Variants in ADCY7 observed in about 807,000 individuals in gnomAD.
ADCY7 encodes adenylate cyclase 7.
Under a neutral mutation model 120.6 loss-of-function variants are expected in ADCY7, and 72 were observed. The ratio of observed to expected loss-of-function variants is 0.60; its 90% CI spans 0.49 to 0.73. The LOEUF (loss-of-function observed/expected upper bound fraction) is 0.73, where lower values mean the gene tolerates loss of function less well. Among genes scored for constraint, ADCY7 ranks in the 30% least tolerant of loss-of-function variants. ADCY7 has a pLI of 0.00. For missense variants in ADCY7, 1,227 were observed against 1,486.0 expected, an observed-to-expected ratio of 0.83 and a Z score of 2.87; for synonymous variants, 661 against 628.0, an observed-to-expected ratio of 1.05 and a Z score of -0.78.
intron 1 of ADCY7, among the ~76,000 whole-genome samples, chr16:50,272,037 G>A (rs1176784364): frequency 2.0e-5 from 3 of 152,204 alleles, no homozygotes; most frequent in African/African-American, 4.8e-5. Flanking sequence ...AGCCAAGGGA[G>A]GTCTTTGGTG....
chr16:50,302,218 C>T (rs1370559197), intron 10 of ADCY7, among the ~76,000 whole-genome samples: 1 of 152,204 alleles, frequency 6.6e-6, no homozygotes. Flanking sequence ...CTCCTCCCTC[C>T]GTCCCTAATG....
chr16:50,288,832 A>T (rs535993780), intron 2 of ADCY7, among the ~76,000 whole-genome samples: 2 of 152,216 alleles, frequency 1.3e-5, no homozygotes, highest in South Asian at 4.1e-4. Context: ...TTTCTAATTT[A>T]AAAAAATTTT....
Position 50,293,507 on chromosome 16 carries a change from G to A in ADCY7, c.836+5G>A, listed in dbSNP as rs2035134898. On this transcript the variant is annotated splice_donor_5th_base_variant and intron_variant, in intron 6 of 25. Transcript: ENST00000673801. ...CAAGAGGCACCAGAATGTCAGGTGG[G>A]CGGTGAGACGTGTGATTAGCATATC... 6.2e-7 allele frequency: 1 copy of A among 1,613,692 alleles called. No individual in the cohort carries two copies. The highest frequency in any genetic ancestry group is 8.5e-7 in the Non-Finnish European group (1 of 1,179,944).
chr16:50,245,617 G>A (rs1030750188), upstream of ADCY7, among the ~76,000 whole-genome samples: 1 of 151,996 alleles, frequency 6.6e-6, no homozygotes, highest in African/African-American at 2.4e-5. Context: ...GTCATCTCCC[G>A]CCCCTGAGCC....
At chr16:50,259,048 C>A (rs2032992669) in intron 1 of ADCY7, among the ~76,000 whole-genome samples, 1 of 152,118 alleles carries the variant, frequency 6.6e-6, no homozygotes, top group African/African-American at 2.4e-5. Context: ...TTTTCCTCCT[C>A]TGTTAATTAT....
intron 1 of ADCY7, among the ~76,000 whole-genome samples, chr16:50,271,989 G>A (rs2033605704): frequency 6.6e-6 from 1 of 152,178 alleles, no homozygotes; most frequent in Non-Finnish European, 1.5e-5. Context: ...GCTGACCACT[G>A]GAAGGGTGAA....
chr16:50,305,609 A>T, intron 13 of ADCY7, 23 bp downstream of exon 13: 1 of 1,575,362 alleles, frequency 6.3e-7, no homozygotes, highest in Non-Finnish European at 8.6e-7. Flanking sequence ...ACCTCTGTCC[A>T]CCCCCCTCTC....
At chr16:50,293,619 G>T in intron 6 of ADCY7, 117 bp downstream of exon 6, 1 of 1,297,648 alleles carries the variant, frequency 7.7e-7, no homozygotes, top group Non-Finnish European at 1.1e-6. Flanking sequence ...TATAGGGATT[G>T]GGAGAGGGCC....
intron 19 of ADCY7, 98 bp from the exon 20 acceptor site, chr16:50,311,595 T>C (rs1286551390): frequency 2.4e-6 from 2 of 847,336 alleles, no homozygotes; most frequent in Non-Finnish European, 4.0e-6. Context: ...GAATCAATTT[T>C]CCCCTTTCCC....
intron 21 of ADCY7, among the ~76,000 whole-genome samples, chr16:50,312,447 T>C (rs1042154042): frequency 1.3e-5 from 2 of 152,252 alleles, no homozygotes; most frequent in East Asian, 1.9e-4. Context: ...TAAAATGGGC[T>C]GACAGCCCTT....
intron 1 of ADCY7, among the ~76,000 whole-genome samples, chr16:50,257,661 C>T (rs1048035268): frequency 2.6e-5 from 4 of 151,462 alleles, no homozygotes; most frequent in African/African-American, 4.8e-5. Context: ...TCTTTAAGAT[C>T]GTAACTATCC....
rs137934086 is a variant in ADCY7, at chr16:50,314,858, G to A, written c.2972-156G>A. On this transcript the variant is annotated intron_variant, in intron 24 of 25. Coordinates refer to ENST00000673801, the MANE Select transcript of ADCY7 (RefSeq NM_001114.5). ...AATGCCCTCCTCATACCCCAAGCCC[G>A]ACTGCAACGCAGTGACTCTGGGAAG... is the stretch of plus-strand genomic sequence containing the variant. The A allele has an allele frequency of 1.4e-3, 1,363 of 988,526 alleles. 14 individuals are homozygous for A. The African/African-American group carries it at 0.019, about 14-fold the overall frequency. The allele number at this position is 988,526 out of a possible 1,614,324, so 61.2% of individuals were successfully genotyped here.
At chr16:50,292,990 T>C (rs963259785) in intron 5 of ADCY7, among the ~76,000 whole-genome samples, 165 bp downstream of exon 5, 1 of 152,158 alleles carries the variant, frequency 6.6e-6, no homozygotes, top group Non-Finnish European at 1.5e-5. Context: ...CATAGCCTGC[T>C]GACCCTTGAC....
intron 10 of ADCY7, chr16:50,301,648 G>T: frequency 5.3e-6 from 1 of 189,290 alleles, no homozygotes; most frequent in Non-Finnish European, 1.1e-5. Context: ...GCCTCTGAGT[G>T]TCCTGGGTGC....
intron 18 of ADCY7, 167 bp from the exon 19 acceptor site, chr16:50,310,517 AAAC>A: frequency 6.5e-7 from 1 of 1,539,934 alleles, no homozygotes; most frequent in Non-Finnish European, 8.7e-7. Context: ...ACTACAGTGA[AAAC>A]AACACTGGAC....
intron 1 of ADCY7, among the ~76,000 whole-genome samples, chr16:50,275,200 C>T (rs561131081): frequency 6.6e-6 from 1 of 152,354 alleles, no homozygotes; most frequent in East Asian, 1.9e-4. Flanking sequence ...CTCACCTCCA[C>T]CTGGGAGGCT....
At chr16:50,299,120 G>T in intron 8 of ADCY7, 89 bp downstream of exon 8, 14 of 1,451,648 alleles carry the variant, frequency 9.6e-6, no homozygotes, top group Admixed American at 2.5e-5. Flanking sequence ...TCATGTCACA[G>T]ATGGGGAAAC....
intron 11 of ADCY7, 139 bp downstream of exon 11, chr16:50,304,690 G>A: frequency 9.4e-7 from 1 of 1,058,464 alleles, no homozygotes; most frequent in Non-Finnish European, 1.4e-6. Context: ...CCCACCTCCT[G>A]GGGCTGGAGA....
At position 50,290,475 on chromosome 16, in the gene ADCY7, G is replaced by A; in HGVS notation, c.190G>A (p.Ala64Thr). The A allele has an allele frequency of 6.2e-7, 1 of 1,614,196 alleles. No homozygotes were observed. Among genetic ancestry groups the A allele is most frequent in the East Asian group, 2.2e-5 (1 of 44,884 alleles). Reference sequence around the variant, plus strand: ...CACCCAGGACCCCTCCAGACACCAGGCCATTCTGGGCATGGCGTTCCTGGT... The same window carrying A: ...CACCCAGGACCCCTCCAGACACCAGACCATTCTGGGCATGGCGTTCCTGGT... ...FSQGDPSRHQ[A>T]ILGMAFLVLA... The change falls in exon 3 of 26, where the codon GCC becomes ACC. Residue 64 changes from alanine to threonine, a missense_variant. By Grantham distance (58) the Ala-to-Thr change is moderately conservative (BLOSUM62 0). Coordinates refer to ENST00000673801, the MANE Select transcript of ADCY7 (RefSeq NM_001114.5).
Sources: allele counts gnomAD v4.1 joint callset (sites outside exome capture counted in the v4.1 genomes callset), GRCh38; gene constraint gnomAD v4.1.1; transcripts MANE v1.5; gene names NCBI Gene and HGNC (gene_info 2026-07-23, HGNC 2026-07-21).